TMEM164: variants seen among roughly 807,000 people sequenced by gnomAD.
The protein encoded by TMEM164 is RP13-360B22.2.
In TMEM164, 4 loss-of-function variants were observed where a neutral mutation model predicts 18.8. The observed-to-expected ratio is 0.21, with a 90% confidence interval of 0.10 to 0.49. TMEM164 has a LOEUF of 0.49. TMEM164 is among the 20% of genes least tolerant of loss of function. TMEM164 has a pLI of 0.98. For missense variants in TMEM164, 108 were observed against 239.9 expected, an observed-to-expected ratio of 0.45 and a Z score of 3.63; for synonymous variants, 86 against 101.7, an observed-to-expected ratio of 0.85 and a Z score of 0.93.
chrX:110,103,101 C>T (rs932543080), intron 3 of TMEM164, among the ~76,000 whole-genome samples: 1 of 112,402 alleles, frequency 8.9e-6, no homozygotes, highest in Admixed American at 9.4e-5. Flanking sequence ...GTGTAGCATC[C>T]TATACAAAAC....
chrX:110,168,635 G>A (rs2067189787), intron 5 of TMEM164, among the ~76,000 whole-genome samples: 1 of 112,757 alleles, frequency 8.9e-6, no homozygotes, highest in Non-Finnish European at 1.9e-5. Context: ...CCTAAAGCAA[G>A]CCTGAGCTTC....
At chrX:110,002,852 A>T (rs1319514321), upstream of TMEM164, 1 of 102,341 alleles carries the variant, frequency 9.8e-6, no homozygotes, top group East Asian at 3.2e-4. Flanking sequence ...GCCGGGGAGG[A>T]GGGAGGGGGG....
intron 2 of TMEM164, among the ~76,000 whole-genome samples, chrX:110,010,929 T>G (rs1932966514): frequency 8.9e-6 from 1 of 111,817 alleles, no homozygotes; most frequent in East Asian, 2.8e-4. Context: ...CCAGTCCTTC[T>G]ATATCCCCCC....
intron 2 of TMEM164, among the ~76,000 whole-genome samples, chrX:110,036,564 G>C (rs762735027): frequency 1.4e-4 from 16 of 112,354 alleles, no homozygotes; most frequent in Non-Finnish European, 3.0e-4. Flanking sequence ...CCTAAGGTCT[G>C]CTGCAGATGA....
intron 3 of TMEM164, 43 bp from the exon 4 acceptor site, chrX:110,109,037 A>G: frequency 8.6e-7 from 1 of 1,157,842 alleles, no homozygotes; most frequent in Non-Finnish European, 1.2e-6. Flanking sequence ...CCTTTGTATC[A>G]GGGTCTGAGT....
chrX:110,020,000 C>G (rs1043709717), intron 2 of TMEM164, among the ~76,000 whole-genome samples: 3 of 112,128 alleles, frequency 2.7e-5, no homozygotes, highest in Non-Finnish European at 3.8e-5. Context: ...TTTCTTTTCT[C>G]TTCCTGTTGA....
In TMEM164 at chrX:110,072,838, T is replaced by C. The variant is rs184276736; in HGVS notation, c.440+5442T>C. 9.4e-4 allele frequency among the ~76,000 whole-genome samples: 104 copies of C among 110,323 alleles called. 1 individual carries two copies. The highest frequency in any genetic ancestry group is 3.1e-3 in the African/African-American group (94 of 30,448). Reference sequence around the variant, plus strand: ...TTATTTATTTTTTGTCTTTTTTTTTTTCCAATTTTTCTTCTAGATCCAAGG... The same window carrying C: ...TTATTTATTTTTTGTCTTTTTTTTTCTCCAATTTTTCTTCTAGATCCAAGG... On this transcript the variant is annotated intron_variant, in intron 3 of 6. Coordinates refer to ENST00000372068, the MANE Select transcript of TMEM164 (RefSeq NM_032227.4).
intron 5 of TMEM164, among the ~76,000 whole-genome samples, chrX:110,168,474 G>A (rs1453150767): frequency 8.9e-6 from 1 of 112,516 alleles, no homozygotes; most frequent in Non-Finnish European, 1.9e-5. Flanking sequence ...GAGTCCCCTG[G>A]CAGTGCGTGA....
chrX:110,017,496 CTCCCTCCCTCCCTCCCTCCT>C (rs1933501251), intron 2 of TMEM164, among the ~76,000 whole-genome samples: 2 of 2,924 alleles, frequency 6.8e-4, no homozygotes, highest in African/African-American at 9.3e-4. Context: ...CCCTCCCTCC[CTCCCTCCCTCCCTCCCTCCT>C]TCCTTCCTTC....
intron 4 of TMEM164, among the ~76,000 whole-genome samples, chrX:110,141,750 A>G (rs1185832954): frequency 8.9e-6 from 1 of 112,449 alleles, no homozygotes; most frequent in African/African-American, 3.2e-5. Context: ...ATAAGTACTT[A>G]AATATGATTT....
intron 6 of TMEM164, among the ~76,000 whole-genome samples, chrX:110,172,308 G>A (rs886191137): frequency 8.9e-5 from 10 of 111,931 alleles, no homozygotes; most frequent in Admixed American, 7.5e-4. Context: ...CAGGTGCCGC[G>A]ACCGTCCCCG....
At chrX:110,060,863 G>A (rs950080059) in intron 2 of TMEM164, among the ~76,000 whole-genome samples, 1 of 111,949 alleles carries the variant, frequency 8.9e-6, no homozygotes, top group Non-Finnish European at 1.9e-5. Context: ...CAATAAGGAC[G>A]ATGCTATCAA....
At chrX:110,130,566 G>A (rs1328904584) in intron 4 of TMEM164, among the ~76,000 whole-genome samples, 2 of 111,090 alleles carry the variant, frequency 1.8e-5, no homozygotes, top group African/African-American at 3.3e-5. Context: ...ATTCTCCTGG[G>A]AGTTATTTGT....
intron 4 of TMEM164, among the ~76,000 whole-genome samples, chrX:110,121,026 G>A (rs762320512): frequency 1.8e-5 from 2 of 111,652 alleles, no homozygotes. Context: ...AATGGGATTT[G>A]TAAAATTTAC....
intron 2 of TMEM164, among the ~76,000 whole-genome samples, chrX:110,016,468 C>T (rs1002116943): frequency 2.7e-5 from 3 of 111,375 alleles, no homozygotes; most frequent in Non-Finnish European, 5.7e-5. Context: ...AAAAAAGAGT[C>T]GAATTTAGGA....
At chrX:110,027,754 C>T (rs1282766706) in intron 2 of TMEM164, among the ~76,000 whole-genome samples, 6 of 108,579 alleles carry the variant, frequency 5.5e-5, no homozygotes, top group Admixed American at 2.0e-4. Context: ...AGCAAGACTC[C>T]GTCTCAAAAA....
chrX:110,080,342 G>T (rs763905464), intron 3 of TMEM164, among the ~76,000 whole-genome samples: 1 of 111,754 alleles, frequency 8.9e-6, no homozygotes, highest in Non-Finnish European at 1.9e-5. Flanking sequence ...TAATAATGTA[G>T]AAAAAATAAT....
At chrX:110,072,483 C>T (rs1052142212) in intron 3 of TMEM164, among the ~76,000 whole-genome samples, 1 of 110,150 alleles carries the variant, frequency 9.1e-6, no homozygotes, top group African/African-American at 3.3e-5. Context: ...GGAAATTATC[C>T]ATTTCTTCTA....
chrX:110,076,422 C>T (rs961208198), intron 3 of TMEM164, among the ~76,000 whole-genome samples: 5 of 110,839 alleles, frequency 4.5e-5, no homozygotes, highest in Middle Eastern at 9.2e-3. Context: ...TTTCAAATAA[C>T]CAACCTTTTT....
Sources: allele counts gnomAD v4.1 joint callset (sites outside exome capture counted in the v4.1 genomes callset), GRCh38; gene constraint gnomAD v4.1.1; transcripts MANE v1.5; gene names NCBI Gene and HGNC (gene_info 2026-07-23, HGNC 2026-07-21).